The following ATRNL1 variants were observed in gnomAD, a reference collection of about 807,000 sequenced individuals.
The protein encoded by ATRNL1 is attractin-like protein 1.
In ATRNL1, 95 loss-of-function variants were observed where a neutral mutation model predicts 182.7. The observed-to-expected ratio is 0.52, with a 90% CI of 0.44 to 0.62. ATRNL1 has a LOEUF of 0.62. Ranked by LOEUF, ATRNL1 falls within the 20% of genes least tolerant of loss-of-function variation. The pLI is 0.00. For missense variants in ATRNL1, 1,471 were observed against 1,679.5 expected, an observed-to-expected ratio of 0.88 and a Z score of 2.17; for synonymous variants, 576 against 568.3, an observed-to-expected ratio of 1.01 and a Z score of -0.19.
intron 19 of ATRNL1, among the ~76,000 whole-genome samples, chr10:115,361,618 A>G (rs1856752753): frequency 6.6e-6 from 1 of 152,126 alleles, no homozygotes; most frequent in African/African-American, 2.4e-5. Context: ...TAAAAATGCA[A>G]TAACATTCTT....
intron 24 of ATRNL1, among the ~76,000 whole-genome samples, chr10:115,516,230 A>G (rs1332753914): frequency 3.3e-5 from 5 of 151,794 alleles, no homozygotes; most frequent in African/African-American, 4.8e-5. Context: ...TCTATTCTCA[A>G]TAAGTAGAAA....
chr10:115,686,976 G>A (rs542229768), intron 26 of ATRNL1, among the ~76,000 whole-genome samples: 1 of 152,060 alleles, frequency 6.6e-6, no homozygotes, highest in South Asian at 2.1e-4. Context: ...CAGAATCTAT[G>A]CTATAAACCT....
intron 17 of ATRNL1, among the ~76,000 whole-genome samples, chr10:115,309,849 T>C (rs2133999032): frequency 6.6e-6 from 1 of 152,262 alleles, no homozygotes; most frequent in Non-Finnish European, 1.5e-5. Context: ...TATTTCTTTC[T>C]CTTGCCTGAT....
intron 24 of ATRNL1, among the ~76,000 whole-genome samples, chr10:115,515,942 T>G (rs1229087854): frequency 1.3e-5 from 2 of 151,826 alleles, no homozygotes; most frequent in African/African-American, 4.8e-5. Context: ...CCTTTCCACT[T>G]CTTTTTTTTA....
intron 9 of ATRNL1, among the ~76,000 whole-genome samples, chr10:115,239,244 A>AT (rs1159536573): frequency 2.6e-5 from 4 of 151,614 alleles, no homozygotes; most frequent in Non-Finnish European, 4.4e-5. Flanking sequence ...ATTTTATTTT[A>AT]TTTTTTGTGA....
At chr10:115,832,052 T>A (rs1399191188) in intron 27 of ATRNL1, among the ~76,000 whole-genome samples, 1 of 152,192 alleles carries the variant, frequency 6.6e-6, no homozygotes, top group Non-Finnish European at 1.5e-5. Context: ...TTCCCTTTTA[T>A]GAGGTAAATA....
At chr10:115,425,408 A>C (rs1845840467) in intron 20 of ATRNL1, among the ~76,000 whole-genome samples, 1 of 151,964 alleles carries the variant, frequency 6.6e-6, no homozygotes, top group African/African-American at 2.4e-5. Flanking sequence ...ACCCTGGTGC[A>C]TAAATTTTAT....
chr10:115,249,957 T>G lies in ATRNL1; in HGVS notation c.1687+8232T>G, dbSNP rs1850804967. On this transcript the variant is annotated intron_variant, in intron 10 of 28. Coordinates refer to ENST00000355044, the MANE Select transcript of ATRNL1 (RefSeq NM_207303.4). ...TGGTTTAGACTACTTGTAAACACATTATATTTATTTAGTATTGAGCTTTAA... is the reference window on the plus strand; with the variant it reads ...TGGTTTAGACTACTTGTAAACACATGATATTTATTTAGTATTGAGCTTTAA... Among the ~76,000 whole-genome samples, 3 of 152,286 alleles carry G rather than the reference T, an allele frequency of 2.0e-5. No individual in the cohort carries two copies. In the South Asian group the frequency reaches 6.2e-4, roughly 32 times the overall value.
At chr10:115,591,734 C>T (rs1184771201) in intron 26 of ATRNL1, among the ~76,000 whole-genome samples, 1 of 152,146 alleles carries the variant, frequency 6.6e-6, no homozygotes, top group Non-Finnish European at 1.5e-5. Context: ...GTGGGAATCT[C>T]ACTTATTTCA....
At chr10:115,503,260 G>A (rs940192653) in intron 24 of ATRNL1, among the ~76,000 whole-genome samples, 1 of 152,096 alleles carries the variant, frequency 6.6e-6, no homozygotes, top group Admixed American at 6.6e-5. Context: ...TCGATAAACT[G>A]TAAAATCTTT....
intron 26 of ATRNL1, among the ~76,000 whole-genome samples, chr10:115,649,807 A>G (rs11197375): frequency 0.018 from 2,692 of 152,316 alleles, 34 homozygotes; most frequent in Middle Eastern, 0.031. Flanking sequence ...AAATTTGTGC[A>G]GATTAACCAC....
intron 27 of ATRNL1, among the ~76,000 whole-genome samples, chr10:115,748,697 A>G (rs1320443271): frequency 1.3e-5 from 2 of 151,862 alleles, no homozygotes; most frequent in Non-Finnish European, 2.9e-5. Context: ...CTTTGCTACA[A>G]TATGTTGTAG....
At chr10:115,591,455 C>T (rs1427853070) in intron 26 of ATRNL1, among the ~76,000 whole-genome samples, 3 of 152,164 alleles carry the variant, frequency 2.0e-5, no homozygotes, top group African/African-American at 7.2e-5. Context: ...GGAGAGGTCT[C>T]TACTTCACCA....
intron 28 of ATRNL1, among the ~76,000 whole-genome samples, chr10:115,939,594 A>G (rs1953665311): frequency 6.6e-6 from 1 of 152,216 alleles, no homozygotes; most frequent in Non-Finnish European, 1.5e-5. Context: ...CCTTTGGACC[A>G]TCAGTCTAAA....
At chr10:115,501,629 T>C (rs1849843822) in intron 24 of ATRNL1, among the ~76,000 whole-genome samples, 1 of 152,212 alleles carries the variant, frequency 6.6e-6, no homozygotes, top group Admixed American at 6.5e-5. Flanking sequence ...ACAAGTAGTT[T>C]TTAAATTCTG....
At chr10:115,344,615 G>GGCA in intron 19 of ATRNL1, among the ~76,000 whole-genome samples, 1 of 152,310 alleles carries the variant, frequency 6.6e-6, no homozygotes, top group South Asian at 2.1e-4. Flanking sequence ...CCCACTTGGT[G>GGCA]CTCCATCCAC....
At chr10:115,564,488 T>C (rs1853952255) in intron 26 of ATRNL1, among the ~76,000 whole-genome samples, 1 of 151,984 alleles carries the variant, frequency 6.6e-6, no homozygotes, top group African/African-American at 2.4e-5. Context: ...TGTTTTTCCT[T>C]TCCTTGGCAA....
Position 115,469,048 on chromosome 10 carries a change from A to G in ATRNL1, c.3497-124A>G, listed in dbSNP as rs11197228. ...TGGCAAACTTATTTTCCTTCATTCA[A>G]AATTATAAACAGTATATTTTGATAA... is the stretch of plus-strand genomic sequence containing the variant. On this transcript the variant is annotated intron_variant, in intron 23 of 28. Transcript: ENST00000355044. The G allele has an allele frequency of 0.24, 86,329 of 364,896 alleles. 10,670 individuals carry two copies. Among genetic ancestry groups the G allele is most frequent in the African/African-American group, 0.32 (15,215 of 47,574 alleles). 22.6% of individuals were successfully genotyped at this position (364,896 alleles called of 1,614,324 possible).
intron 26 of ATRNL1, among the ~76,000 whole-genome samples, chr10:115,550,639 T>G (rs1402811559): frequency 1.3e-5 from 2 of 151,976 alleles, no homozygotes; most frequent in East Asian, 1.9e-4. Flanking sequence ...AATGACTGTA[T>G]GTTAAAAAGT....
Sources: allele counts gnomAD v4.1 joint callset (sites outside exome capture counted in the v4.1 genomes callset), GRCh38; gene constraint gnomAD v4.1.1; transcripts MANE v1.5; gene names NCBI Gene and HGNC (gene_info 2026-07-23, HGNC 2026-07-21).